The following TSTD2 variants were observed in gnomAD, a reference collection of about 807,000 sequenced individuals.
The protein encoded by TSTD2 is thiosulfate sulfurtransferase like domain containing 2.
Under a neutral mutation model 47.9 loss-of-function variants are expected in TSTD2, and 37 were observed. The observed-to-expected ratio is 0.77, with a 90% CI of 0.59 to 1.02. The LOEUF is 1.02. TSTD2 is among the 50% of genes least tolerant of loss of function. The probability of loss-of-function intolerance (pLI) is 0.00; values close to 1 mark genes in which losing one functional copy is unlikely to be tolerated. For missense variants in TSTD2, 586 were observed against 616.0 expected, an observed-to-expected ratio of 0.95 and a Z score of 0.52; for synonymous variants, 201 against 215.9, an observed-to-expected ratio of 0.93 and a Z score of 0.61.
At chr9:97,617,656 C>T (rs1426921653) in intron 4 of TSTD2, 101 bp downstream of exon 4, 3 of 1,416,990 alleles carry the variant, frequency 2.1e-6, no homozygotes, top group African/African-American at 2.9e-5. Context: ...CTTTTAAGAA[C>T]TCAACAGTGA....
chr9:97,611,666 C>G lies in TSTD2; in HGVS notation c.637G>C (p.Val213Leu), dbSNP rs764198323. ...CTGGTAGCCAATTTGCTTCCACCAA[C>G]TGTCCCATTGATTCCTTCTGCAGCA... Reference protein sequence around the residue: ...RIAAEGINGTVGGSKLATRLY... With the variant: ...RIAAEGINGTLGGSKLATRLY... Residue 213 changes from valine (V) to leucine (L), a missense_variant, in exon 5 of 10, where the codon GTT becomes CTT. By Grantham distance (32) the Val-to-Leu change is conservative (BLOSUM62 1). Coordinates refer to ENST00000341170, the MANE Select transcript of TSTD2 (RefSeq NM_139246.5). 1 of 1,611,324 alleles carries G rather than the reference C, an allele frequency of 6.2e-7. No homozygotes were observed. Among genetic ancestry groups the G allele is most frequent in the African/African-American group, 1.3e-5 (1 of 75,018 alleles).
intron 2 of TSTD2, among the ~76,000 whole-genome samples, chr9:97,626,838 C>A (rs1826729117): frequency 6.6e-6 from 1 of 152,084 alleles, no homozygotes; most frequent in Admixed American, 6.5e-5. Flanking sequence ...CCATTTTATC[C>A]ATAGCCTCAC....
chr9:97,600,658 A>T lies in TSTD2; in HGVS notation c.*1811T>A. On this transcript the variant is annotated 3_prime_UTR_variant, in exon 10 of 10. Transcript: ENST00000341170. ...AGCTACTGATCTCATCACTTATTAG[A>T]CAAATTGCTGCTGACCTTACGCCTG... 1.0e-6 allele frequency: 1 copy of T among 991,656 alleles called. No individual in the cohort carries two copies. The highest frequency in any genetic ancestry group is 4.6e-5 in the South Asian group (1 of 21,972). The allele number at this position is 991,656 out of a possible 1,614,324, so 61.4% of individuals were successfully genotyped here.
At chr9:97,615,471 A>G (rs1587979594) in intron 4 of TSTD2, among the ~76,000 whole-genome samples, 1 of 152,250 alleles carries the variant, frequency 6.6e-6, no homozygotes, top group Non-Finnish European at 1.5e-5. Context: ...CAAAGCCTTC[A>G]ATGTATCCCC....
At chr9:97,619,033 A>AT (rs1009708291) in intron 3 of TSTD2, among the ~76,000 whole-genome samples, 2 of 152,222 alleles carry the variant, frequency 1.3e-5, no homozygotes, top group African/African-American at 2.4e-5. Context: ...GTGTGGGGCC[A>AT]TATGAAATGG....
intron 1 of TSTD2, among the ~76,000 whole-genome samples, chr9:97,630,621 A>G (rs1255241859): frequency 6.6e-6 from 1 of 152,198 alleles, no homozygotes; most frequent in Non-Finnish European, 1.5e-5. Flanking sequence ...TACTTACCCT[A>G]CAGGTGATCT....
intron 6 of TSTD2, 115 bp downstream of exon 6, chr9:97,610,231 C>T (rs1278536237): frequency 1.2e-6 from 1 of 834,176 alleles, no homozygotes; most frequent in South Asian, 1.9e-5. Flanking sequence ...AGCCACCCCA[C>T]AGCTGCTTTA....
intron 3 of TSTD2, among the ~76,000 whole-genome samples, chr9:97,622,035 ACTCTTT>A (rs1397387103): frequency 2.6e-5 from 4 of 151,836 alleles, no homozygotes; most frequent in Non-Finnish European, 4.4e-5. Context: ...TCTGTTTTGT[ACTCTTT>A]CTCTTTATTT....
chr9:97,610,289 T>A, intron 6 of TSTD2, 57 bp downstream of exon 6: 1 of 1,470,926 alleles, frequency 6.8e-7, no homozygotes, highest in Non-Finnish European at 9.3e-7. Flanking sequence ...CTTTCTTATT[T>A]GTCTATTAAG....
chr9:97,600,346 G>A lies in TSTD2; in HGVS notation c.*2123C>T. 1.0e-6 allele frequency: 1 copy of A among 986,068 alleles called. No individual in the cohort carries two copies. The highest frequency in any genetic ancestry group is 4.7e-5 in the South Asian group (1 of 21,292). The allele number at this position is 986,068 out of a possible 1,614,324, so 61.1% of individuals were successfully genotyped here. A position where few individuals can be genotyped will look rare whatever the true frequency, so the allele number is the denominator to read the frequency against. ...AAAAAAACCAATGGTGAAATTTCAA[G>A]TTTCAAAAACCAACCTTTCATTACC... On this transcript the variant is annotated 3_prime_UTR_variant, in exon 10 of 10. Transcript: ENST00000341170.
Position 97,617,881 on chromosome 9 carries a change from T to A in TSTD2, c.483-4A>T, listed in dbSNP as rs765426656. On this transcript the variant is annotated splice_region_variant and splice_polypyrimidine_tract_variant and intron_variant, in intron 3 of 9. Coordinates refer to ENST00000341170, the MANE Select transcript of TSTD2 (RefSeq NM_139246.5). ...CCCTTCTTCACTGCCCTGGCCACTA[T>A]AAAATGAAAATCCAAGGCAAAGAGC... The A allele has an allele frequency of 1.2e-6, 2 of 1,605,538 alleles. No homozygotes were observed. The highest frequency in any genetic ancestry group is 1.7e-6 in the Non-Finnish European group (2 of 1,177,532).
intron 3 of TSTD2, among the ~76,000 whole-genome samples, chr9:97,624,930 CTTTT>C (rs376001003): frequency 5.9e-5 from 9 of 151,756 alleles, no homozygotes; most frequent in Admixed American, 6.6e-5. Context: ...GAAACCCCCC[CTTTT>C]TTTTGCTTAG....
At chr9:97,616,470 G>A (rs1191760978) in intron 4 of TSTD2, among the ~76,000 whole-genome samples, 1 of 152,148 alleles carries the variant, frequency 6.6e-6, no homozygotes, top group Non-Finnish European at 1.5e-5. Context: ...AAGCTGAAGA[G>A]TAATTTGAAA....
chr9:97,600,657 G>A lies in TSTD2; in HGVS notation c.*1812C>T, dbSNP rs1826236664. Reference sequence around the variant, plus strand: ...CAGCTACTGATCTCATCACTTATTAGACAAATTGCTGCTGACCTTACGCCT... The same window carrying A: ...CAGCTACTGATCTCATCACTTATTAAACAAATTGCTGCTGACCTTACGCCT... On this transcript the variant is annotated 3_prime_UTR_variant, in exon 10 of 10. Transcript: ENST00000341170. The A allele has an allele frequency of 1.1e-5, 11 of 991,482 alleles. No individual in the cohort carries two copies. The highest frequency in any genetic ancestry group is 1.3e-5 in the Non-Finnish European group (11 of 833,728). 61.4% of individuals were successfully genotyped at this position (991,482 alleles called of 1,614,324 possible).
rs1337587149 is a variant in TSTD2, at chr9:97,606,087, C to T, written c.954+56G>A. On this transcript the variant is annotated intron_variant, in intron 7 of 9. Transcript: ENST00000341170. ...AGGTCCCCTTGGGAAATATACCACA[C>T]TGTGGGAATGGGGAGATCTACCAAT... is the stretch of plus-strand genomic sequence containing the variant. 6.3e-6 allele frequency: 8 copies of T among 1,263,354 alleles called. No individual in the cohort carries two copies. In the East Asian group the frequency reaches 1.6e-4, roughly 26 times the overall value. The allele number at this position is 1,263,354 out of a possible 1,614,324, so 78.3% of individuals were successfully genotyped here.
In TSTD2 at chr9:97,600,522, T is replaced by C. The variant is rs1826233432; in HGVS notation, c.*1947A>G. ...ACGGCCAAATACTTTTGAAAACACC[T>C]TTCTATATTGCACAGTGGGCAAATG... On this transcript the variant is annotated 3_prime_UTR_variant, in exon 10 of 10. Coordinates refer to ENST00000341170, the MANE Select transcript of TSTD2 (RefSeq NM_139246.5). The C allele has an allele frequency of 1.0e-6, 1 of 985,786 alleles. No individual in the cohort carries two copies. Among genetic ancestry groups the C allele is most frequent in the South Asian group, 4.7e-5 (1 of 21,296 alleles). The allele number at this position is 985,786 out of a possible 1,614,324, so 61.1% of individuals were successfully genotyped here. A position where few individuals can be genotyped will look rare whatever the true frequency, so the allele number is the denominator to read the frequency against.
Position 97,625,890 on chromosome 9 carries a change from G to A in TSTD2, c.273C>T (p.Ser91=). The change falls in exon 3 of 10, where the codon AGC becomes AGT. Residue 91 remains serine (S), a synonymous_variant. Coordinates refer to ENST00000341170, the MANE Select transcript of TSTD2 (RefSeq NM_139246.5). ...GTTGTGTTGCCACATGTCTATGGAT[G>A]CTGGTTTGGTCTGTGAATAGCTGCC... ...CCRQLFTDQT[S]IHRHVATQHA... The A allele has an allele frequency of 6.2e-7, 1 of 1,614,150 alleles. No individual in the cohort carries two copies. The highest frequency in any genetic ancestry group is 8.5e-7 in the Non-Finnish European group (1 of 1,179,998).
chr9:97,608,567 A>G (rs1826404999), intron 6 of TSTD2, among the ~76,000 whole-genome samples: 1 of 152,044 alleles, frequency 6.6e-6, no homozygotes, highest in African/African-American at 2.4e-5. Flanking sequence ...ACCCCGGGGG[A>G]AAAGGTTACA....
At chr9:97,611,821 G>T in intron 4 of TSTD2, 122 bp from the exon 5 acceptor site, 1 of 951,284 alleles carries the variant, frequency 1.1e-6, no homozygotes, top group Non-Finnish European at 1.6e-6. Context: ...CGCTGATGAG[G>T]ACACCAAAGT....
Sources: allele counts gnomAD v4.1 joint callset (sites outside exome capture counted in the v4.1 genomes callset), GRCh38; gene constraint gnomAD v4.1.1; transcripts MANE v1.5; gene names NCBI Gene and HGNC (gene_info 2026-07-23, HGNC 2026-07-21).